The following SKAP1 variants were observed in gnomAD, a reference collection of about 807,000 sequenced individuals.
SKAP1 encodes the protein src kinase-associated phosphoprotein 1.
In SKAP1, 44 loss-of-function variants were observed where a neutral mutation model predicts 58.5. The ratio of observed to expected loss-of-function variants is 0.75; its 90% CI spans 0.59 to 0.97. The LOEUF (loss-of-function observed/expected upper bound fraction) is 0.97. Ranked by LOEUF, SKAP1 falls within the 50% of genes least tolerant of loss-of-function variation. The probability of loss-of-function intolerance (pLI) is 0.00; values close to 1 mark genes in which losing one functional copy is unlikely to be tolerated. For synonymous variants in SKAP1, 127 were observed against 149.7 expected (o/e 0.85, Z 1.11); for missense variants, 390 against 435.2 (o/e 0.90, Z 0.92).
chr17:48,217,364 T>G (rs16953927), intron 4 of SKAP1, among the ~76,000 whole-genome samples: 16,989 of 152,138 alleles, frequency 0.11, 1,019 homozygotes, highest in East Asian at 0.19. Flanking sequence ...AGGATTGCTG[T>G]CAAGATGGGA....
chr17:48,137,574 T>G (rs1441998124), intron 11 of SKAP1, among the ~76,000 whole-genome samples: 1 of 152,260 alleles, frequency 6.6e-6, no homozygotes, highest in Non-Finnish European at 1.5e-5. Context: ...TTTGATGCCC[T>G]TGCTGAACCT....
chr17:48,173,757 T>C (rs2064249230), intron 9 of SKAP1, among the ~76,000 whole-genome samples: 1 of 152,206 alleles, frequency 6.6e-6, no homozygotes, highest in African/African-American at 2.4e-5. Flanking sequence ...CACTGTGAAT[T>C]ACAAATTGGA....
At chr17:48,208,022 T>A (rs2064829882) in intron 4 of SKAP1, among the ~76,000 whole-genome samples, 1 of 152,236 alleles carries the variant, frequency 6.6e-6, no homozygotes, top group East Asian at 1.9e-4. Flanking sequence ...ACAGGACACC[T>A]GTTGTCTTGC....
rs61622890 is a variant in SKAP1, at chr17:48,204,260, A to ATT, written c.281-14762_281-14761dup. On this transcript the variant is annotated intron_variant, in intron 4 of 12. Coordinates refer to ENST00000336915, the MANE Select transcript of SKAP1 (RefSeq NM_003726.4). ...AGGCATGTGCCACCACACCTGGCTAATTTTTTTTTTTTTTGTATTTTTAGT... is the reference window on the plus strand; with the variant it reads ...AGGCATGTGCCACCACACCTGGCTAATTTTTTTTTTTTTTTTGTATTTTTAGT... The ATT allele has an allele frequency of 1.5e-3, 215 of 142,230 alleles. 3 individuals carry two copies. Among genetic ancestry groups the ATT allele is most frequent in the African/African-American group, 5.0e-3 (195 of 38,690 alleles). The allele number at this position is 142,230 out of a possible 1,614,324, so 8.8% of individuals were successfully genotyped here.
intron 4 of SKAP1, among the ~76,000 whole-genome samples, chr17:48,327,283 T>A (rs74386510): frequency 0.025 from 3,748 of 152,318 alleles, 142 homozygotes; most frequent in African/African-American, 0.084. Flanking sequence ...TATTTATTTT[T>A]AAAAATTTTA....
rs146969325 is a variant in SKAP1, at chr17:48,209,462, C to G, written c.281-19962G>C. ...AGACATTGTAGAATCTTAATTACCC[C>G]AGGTTTGTAAAAGCTGGCCAGATAC... is the stretch of plus-strand genomic sequence containing the variant. On this transcript the variant is annotated intron_variant, in intron 4 of 12. Transcript: ENST00000336915. 1.9e-3 allele frequency among the ~76,000 whole-genome samples: 295 copies of G among 152,224 alleles called. 1 individual carries two copies. Among genetic ancestry groups the G allele is most frequent in the African/African-American group, 6.6e-3 (274 of 41,534 alleles).
intron 4 of SKAP1, among the ~76,000 whole-genome samples, chr17:48,299,935 G>A (rs2066036358): frequency 6.6e-6 from 1 of 152,136 alleles, no homozygotes; most frequent in Admixed American, 6.5e-5. Flanking sequence ...TGAGGCTGGG[G>A]TTTGGGGCAT....
chr17:48,184,733 C>T lies in SKAP1; in HGVS notation c.557G>A (p.Arg186His), dbSNP rs761604918. 1.1e-5 allele frequency: 18 copies of T among 1,613,906 alleles called. No individual in the cohort carries two copies. The highest frequency in any genetic ancestry group is 9.3e-5 in the African/African-American group (7 of 74,904). Residue 186 changes from arginine to histidine, a missense_variant, in exon 7 of 13, where the codon CGC (arginine) becomes CAC (histidine). By Grantham distance (29) the Arg-to-His change is conservative (BLOSUM62 0). Coordinates refer to ENST00000336915, the MANE Select transcript of SKAP1 (RefSeq NM_003726.4). ...SCFELTSQDR[R>H]SYEFTATSPA... ...CTTGATGCGTCCTACCTCATAGCTG[C>T]GCCTATCCTGGGAGGTCAGTTCAAA...
the SKAP1 span, among the ~76,000 whole-genome samples, chr17:48,440,497 G>A: frequency 1.3e-5 from 2 of 152,206 alleles, no homozygotes; most frequent in African/African-American, 4.8e-5. Flanking sequence ...GTAAGGGTCT[G>A]ACCAAGGACT....
intron 4 of SKAP1, among the ~76,000 whole-genome samples, chr17:48,295,245 C>A (rs543411696): frequency 2.0e-5 from 3 of 152,092 alleles, no homozygotes; most frequent in Non-Finnish European, 4.4e-5. Flanking sequence ...ATTCCATAGA[C>A]GTCTAAATCT....
chr17:48,346,551 G>T (rs567331120), intron 3 of SKAP1, among the ~76,000 whole-genome samples: 12 of 152,192 alleles, frequency 7.9e-5, no homozygotes, highest in Admixed American at 2.0e-4. Flanking sequence ...TTGAACCCGG[G>T]GGGTAGAGGT....
intron 4 of SKAP1, among the ~76,000 whole-genome samples, chr17:48,330,047 T>C (rs2066485070): frequency 6.6e-6 from 1 of 152,160 alleles, no homozygotes; most frequent in African/African-American, 2.4e-5. Flanking sequence ...TTCAGCATAG[T>C]TATGTGCTAA....
intron 4 of SKAP1, among the ~76,000 whole-genome samples, chr17:48,246,016 C>T (rs931977955): frequency 6.6e-6 from 1 of 151,800 alleles, no homozygotes; most frequent in South Asian, 2.1e-4. Context: ...ACAAAAAAAC[C>T]CACAAAAATT....
At chr17:48,316,447 C>A (rs375543569) in intron 4 of SKAP1, among the ~76,000 whole-genome samples, 1 of 152,146 alleles carries the variant, frequency 6.6e-6, no homozygotes, top group East Asian at 1.9e-4. Context: ...TGCTCAGAGG[C>A]CTCCTCTGAT....
At chr17:48,165,635 G>A (rs952935209) in intron 10 of SKAP1, among the ~76,000 whole-genome samples, 3 of 152,028 alleles carry the variant, frequency 2.0e-5, no homozygotes, top group African/African-American at 7.2e-5. Context: ...CCCGACCTCA[G>A]GTGATCCGCC....
chr17:48,426,577 T>G (rs1396122184), intron 1 of SKAP1, among the ~76,000 whole-genome samples: 1 of 152,230 alleles, frequency 6.6e-6, no homozygotes, highest in Non-Finnish European at 1.5e-5. Context: ...TTGTTTTTGT[T>G]TTCGGTGTGG....
chr17:48,165,654 T>C (rs208019), intron 10 of SKAP1, among the ~76,000 whole-genome samples: 135,094 of 152,044 alleles, frequency 0.89, 60,081 homozygotes, highest in Admixed American at 0.92. Context: ...CCCACCTCGG[T>C]CTCCTAAAGT....
intron 1 of SKAP1, among the ~76,000 whole-genome samples, chr17:48,429,524 C>A (rs982137619): frequency 3.9e-5 from 6 of 152,162 alleles, no homozygotes; most frequent in African/African-American, 1.4e-4. Flanking sequence ...GTGGGTGAGA[C>A]CCCTAGACGT....
intron 4 of SKAP1, among the ~76,000 whole-genome samples, chr17:48,198,465 A>AAG (rs1272330341): frequency 6.6e-5 from 10 of 151,536 alleles, no homozygotes; most frequent in African/African-American, 2.2e-4. Context: ...AAAAAAAAAA[A>AAG]AAAAAAAAAA....
Sources: allele counts gnomAD v4.1 joint callset (sites outside exome capture counted in the v4.1 genomes callset), GRCh38; gene constraint gnomAD v4.1.1; transcripts MANE v1.5; gene names NCBI Gene and HGNC (gene_info 2026-07-23, HGNC 2026-07-21).